Variants in FAM13A observed in about 807,000 individuals in gnomAD.
The protein encoded by FAM13A is protein FAM13A.
FAM13A carries 76 observed loss-of-function variants against 129.6 expected under a neutral mutation model. That is an observed-to-expected ratio of 0.59 (90% CI 0.49 to 0.71). The LOEUF (loss-of-function observed/expected upper bound fraction) is 0.71. Ranked by LOEUF, FAM13A falls within the 30% of genes least tolerant of loss-of-function variation. The probability of loss-of-function intolerance (pLI) is 0.00; values close to 1 mark genes in which losing one functional copy is unlikely to be tolerated. For missense variants in FAM13A, 1,108 were observed against 1,249.3 expected (o/e 0.89, Z 1.70); for synonymous variants, 443 against 449.9 (o/e 0.98, Z 0.20).
In FAM13A at chr4:89,031,984, C is replaced by T. The variant is rs991267645; in HGVS notation, c.28-2335G>A. Reference sequence around the variant, plus strand: ...CCTGTAATCCCAGCACTTTGGGAGGCCGAGGTGGGCGGATCATGAGGTCAG... The same window carrying T: ...CCTGTAATCCCAGCACTTTGGGAGGTCGAGGTGGGCGGATCATGAGGTCAG... On this transcript the variant is annotated intron_variant, in intron 1 of 23. Coordinates refer to ENST00000264344, the MANE Select transcript of FAM13A (RefSeq NM_014883.4). Among the ~76,000 whole-genome samples the T allele has an allele frequency of 2.6e-5, 4 of 152,036 alleles. No individual in the cohort carries two copies. In the East Asian group the frequency reaches 5.8e-4, roughly 22 times the overall value.
At chr4:89,047,612 T>C (rs554018841) in intron 1 of FAM13A, among the ~76,000 whole-genome samples, 3 of 152,296 alleles carry the variant, frequency 2.0e-5, no homozygotes, top group Non-Finnish European at 2.9e-5. Context: ...TAGTGGGAGT[T>C]TGCAGCACTC....
At position 88,938,237 on chromosome 4, in the gene FAM13A, G is replaced by A. The variant is rs759478869; in HGVS notation, c.610C>T (p.Pro204Ser). 1.2e-6 allele frequency: 2 copies of A among 1,600,404 alleles called. No homozygotes were observed. The highest frequency in any genetic ancestry group is 4.5e-5 in the East Asian group (2 of 44,744). The stretch of plus-strand genomic sequence containing the variant: ...TCCTTCATGCCTTCAAGCCCAGGTG[G>A]CACACTAGAAACAAGAAAGGGAAAG... ...TVFGPNCFHV[P>S]PGLEGMKEQD... Residue 204 changes from proline (P) to serine (S), a missense_variant, in exon 5 of 24, where the codon CCA (proline) becomes TCA (serine). Pro to Ser is a moderately conservative substitution (Grantham distance 74). This residue lies in a region of FAM13A where 566 missense variants were observed against 595.7 expected (regional missense o/e 0.95). Transcript: ENST00000264344.
chr4:88,965,933 C>T (rs955765045), intron 4 of FAM13A, among the ~76,000 whole-genome samples: 2 of 151,762 alleles, frequency 1.3e-5, no homozygotes, highest in Non-Finnish European at 3.0e-5. Context: ...GTTGTATATA[C>T]TACATTTGTT....
At chr4:88,898,738 T>C (rs1371559688) in intron 6 of FAM13A, among the ~76,000 whole-genome samples, 1 of 151,940 alleles carries the variant, frequency 6.6e-6, no homozygotes, top group Non-Finnish European at 1.5e-5. Flanking sequence ...TTTATAAATG[T>C]CATGGTGGCT....
intron 7 of FAM13A, among the ~76,000 whole-genome samples, chr4:88,841,803 A>C (rs1044439888): frequency 2.6e-5 from 4 of 152,204 alleles, no homozygotes; most frequent in Non-Finnish European, 4.4e-5. Flanking sequence ...GAACCATCAA[A>C]CATTGCTGAA....
At chr4:88,996,116 G>A (rs1763507008) in intron 3 of FAM13A, among the ~76,000 whole-genome samples, 1 of 152,202 alleles carries the variant, frequency 6.6e-6, no homozygotes, top group Non-Finnish European at 1.5e-5. Context: ...GGGCCAAGTG[G>A]TGGTGGGTGG....
intron 4 of FAM13A, among the ~76,000 whole-genome samples, chr4:88,960,607 T>TCTCA (rs1758458723): frequency 6.6e-6 from 1 of 152,140 alleles, no homozygotes; most frequent in Admixed American, 6.5e-5. Context: ...ATGTAAGCAC[T>TCTCA]CTCAGCAAGA....
Position 88,728,438 on chromosome 4 carries a change from G to A in FAM13A, c.*95C>T. The A allele has an allele frequency of 6.7e-7, 1 of 1,502,872 alleles. No homozygotes were observed. The highest frequency in any genetic ancestry group is 1.7e-5 in the Admixed American group (1 of 58,558). 93.1% of individuals were successfully genotyped at this position (1,502,872 alleles called of 1,614,324 possible). A position where few individuals can be genotyped will look rare whatever the true frequency, so the allele number is the denominator to read the frequency against. On this transcript the variant is annotated 3_prime_UTR_variant, in exon 24 of 24. Coordinates refer to ENST00000264344, the MANE Select transcript of FAM13A (RefSeq NM_014883.4). ...AGGCAGAAGGGCTGCATGCTTTGCA[G>A]GGCCAGCCCCAAGGCTGCCTTCCAG...
At chr4:88,873,781 A>G (rs1028759266) in intron 6 of FAM13A, among the ~76,000 whole-genome samples, 6 of 152,324 alleles carry the variant, frequency 3.9e-5, no homozygotes, top group Middle Eastern at 3.4e-3. Flanking sequence ...TCCCTAACTC[A>G]TTTTATGAGG....
Position 89,029,525 on chromosome 4 carries a change from T to G in FAM13A, c.152A>C (p.Gln51Pro), listed in dbSNP as rs755955009. Reference sequence around the variant, plus strand: ...TGGAATGCCATTCTCGGTGAGCCCCTGCCGTTCAAGTTCTTGGAGACTGAC... The same window carrying G: ...TGGAATGCCATTCTCGGTGAGCCCCGGCCGTTCAAGTTCTTGGAGACTGAC... ...FGVSLQELER[Q>P]GLTENGIPAV... The change falls in exon 2 of 24, where the codon CAG (glutamine) becomes CCG (proline). Residue 51 changes from glutamine (Q) to proline (P), a missense_variant. This residue lies in a region of FAM13A where 566 missense variants were observed against 595.7 expected (regional missense o/e 0.95). Coordinates refer to ENST00000264344, the MANE Select transcript of FAM13A (RefSeq NM_014883.4). The G allele has an allele frequency of 6.3e-7, 1 of 1,594,038 alleles. No homozygotes were observed. Among genetic ancestry groups the G allele is most frequent in the Non-Finnish European group, 8.5e-7 (1 of 1,174,568 alleles).
At chr4:89,034,383 A>T (rs991901901) in intron 1 of FAM13A, among the ~76,000 whole-genome samples, 1 of 152,204 alleles carries the variant, frequency 6.6e-6, no homozygotes, top group Non-Finnish European at 1.5e-5. Flanking sequence ...GATCTCACTC[A>T]CACCAGTCAG....
chr4:88,800,885 G>T (rs970896620), intron 8 of FAM13A, among the ~76,000 whole-genome samples: 2 of 151,722 alleles, frequency 1.3e-5, no homozygotes, highest in Non-Finnish European at 2.9e-5. Context: ...CCTAAAACAG[G>T]GTTTTGAATA....
At chr4:88,934,210 T>C (rs1188520612) in intron 5 of FAM13A, among the ~76,000 whole-genome samples, 1 of 152,208 alleles carries the variant, frequency 6.6e-6, no homozygotes. Flanking sequence ...ACTTCTGCCT[T>C]TCCCTGCTTT....
chr4:88,730,191 C>T (rs1189020851), intron 23 of FAM13A: 1 of 152,174 alleles, frequency 6.6e-6, no homozygotes, highest in Non-Finnish European at 1.5e-5. Context: ...CTTCAGTAAT[C>T]TGGGTTAAAT....
chr4:89,057,181 G>A lies in FAM13A; in HGVS notation c.-217C>T, dbSNP rs1314659610. ...CCCACATGGCTGGAAGGACTGCCTG[G>A]AGTTGAAATTTGATCCACAGCCTCA... On this transcript the variant is annotated 5_prime_UTR_variant, in exon 1 of 24. Coordinates refer to ENST00000264344, the MANE Select transcript of FAM13A (RefSeq NM_014883.4). 1 of 1,403,282 alleles carries A rather than the reference G, an allele frequency of 7.1e-7. No homozygotes were observed. The highest frequency in any genetic ancestry group is 1.6e-5 in the South Asian group (1 of 61,122). The allele number at this position is 1,403,282 out of a possible 1,614,324, so 86.9% of individuals were successfully genotyped here. A position where few individuals can be genotyped will look rare whatever the true frequency, so the allele number is the denominator to read the frequency against.
chr4:89,008,267 A>C (rs1765314334), intron 3 of FAM13A, among the ~76,000 whole-genome samples: 1 of 152,216 alleles, frequency 6.6e-6, no homozygotes, highest in Non-Finnish European at 1.5e-5. Context: ...ACAGTGGAAG[A>C]CAGCACCTTT....
At chr4:88,740,471 G>T (rs1283846985) in intron 19 of FAM13A, among the ~76,000 whole-genome samples, 2 of 152,166 alleles carry the variant, frequency 1.3e-5, no homozygotes, top group Non-Finnish European at 2.9e-5. Flanking sequence ...AACATAAATA[G>T]GTGTGCCTGA....
chr4:88,875,233 A>G (rs1410174986), intron 6 of FAM13A, among the ~76,000 whole-genome samples: 1 of 152,248 alleles, frequency 6.6e-6, no homozygotes, highest in African/African-American at 2.4e-5. Flanking sequence ...AGGCATGGGC[A>G]AAGACTTCAT....
At chr4:88,823,762 T>C (rs1471317231) in intron 7 of FAM13A, among the ~76,000 whole-genome samples, 1 of 152,192 alleles carries the variant, frequency 6.6e-6, no homozygotes, top group Admixed American at 6.5e-5. Flanking sequence ...CCTGCTGATG[T>C]TTGTTTACAC....
Sources: allele counts gnomAD v4.1 joint callset (sites outside exome capture counted in the v4.1 genomes callset), GRCh38; gene constraint gnomAD v4.1.1; regional missense constraint gnomAD v4.1.1; transcripts MANE v1.5; gene names NCBI Gene and HGNC (gene_info 2026-07-23, HGNC 2026-07-21).